SRGAP1: variants seen among roughly 807,000 people sequenced by gnomAD.
SRGAP1 encodes the protein SLIT-ROBO Rho GTPase activating protein 1, also known as SLIT-ROBO Rho GTPase-activating protein 1.
In SRGAP1, 43 loss-of-function variants were observed where a neutral mutation model predicts 121.9. The observed-to-expected ratio is 0.35, with a 90% confidence interval of 0.28 to 0.46. The LOEUF (loss-of-function observed/expected upper bound fraction) is 0.46, where lower values mean the gene tolerates loss of function less well. Ranked by LOEUF, SRGAP1 falls within the 20% of genes least tolerant of loss-of-function variation. SRGAP1 has a pLI of 1.00. For missense variants in SRGAP1, 1,102 were observed against 1,350.9 expected, an observed-to-expected ratio of 0.82 and a Z score of 2.89; for synonymous variants, 447 against 485.4, an observed-to-expected ratio of 0.92 and a Z score of 1.04.
At chr12:64,048,569 T>C (rs61931200) in intron 6 of SRGAP1, among the ~76,000 whole-genome samples, 28,359 of 152,062 alleles carry the variant, frequency 0.19, 3,342 homozygotes, top group Non-Finnish European at 0.27. Context: ...TTTTTTGAGG[T>C]ATTCCCATAC....
intron 4 of SRGAP1, among the ~76,000 whole-genome samples, chr12:64,017,528 G>A (rs189923335): frequency 1.5e-3 from 225 of 151,868 alleles, no homozygotes; most frequent in Non-Finnish European, 2.5e-3. Flanking sequence ...GGTGGGATGC[G>A]CCTGTAATCC....
rs1431112244 is a variant in SRGAP1, at chr12:64,078,970, A to G, written c.1177A>G (p.Ile393Val). 2 of 1,614,032 alleles carry G rather than the reference A, an allele frequency of 1.2e-6. No homozygotes were observed. The highest frequency in any genetic ancestry group is 1.7e-5 in the Admixed American group (1 of 60,012). ...GCAGACGATACAAGATATGGTCACC[A>G]TCGAGGACTATGATGTTTCTGAATG... ...TLQTIQDMVT[I>V]EDYDVSECFQ... The change falls in exon 9 of 22, where the codon ATC becomes GTC. Residue 393 changes from isoleucine (I) to valine (V), a missense_variant. Around this residue, in one of 3 missense-constraint regions of SRGAP1, gnomAD observed 747 missense variants for 929.4 expected, o/e 0.80. Coordinates refer to ENST00000355086, the MANE Select transcript of SRGAP1 (RefSeq NM_020762.4).
chr12:63,938,534 G>A (rs1243268127), intron 1 of SRGAP1, among the ~76,000 whole-genome samples: 1 of 152,130 alleles, frequency 6.6e-6, no homozygotes, highest in African/African-American at 2.4e-5. Context: ...GAAAAGAATA[G>A]TTGATTGCCT....
intron 1 of SRGAP1, among the ~76,000 whole-genome samples, chr12:63,861,979 G>T (rs769272152): frequency 5.9e-5 from 9 of 152,118 alleles, no homozygotes; most frequent in Non-Finnish European, 1.3e-4. Context: ...AAATTAGCCA[G>T]GTGTGGTGGC....
chr12:63,940,429 G>T (rs1479149956), intron 1 of SRGAP1, among the ~76,000 whole-genome samples: 1 of 149,922 alleles, frequency 6.7e-6, no homozygotes, highest in Admixed American at 6.6e-5. Flanking sequence ...AGGCTGAGCA[G>T]AATAGCTATG....
At chr12:64,027,069 A>G (rs184769310) in intron 4 of SRGAP1, among the ~76,000 whole-genome samples, 1 of 152,124 alleles carries the variant, frequency 6.6e-6, no homozygotes. Flanking sequence ...CAGGTGAGAC[A>G]GTACCAGTTC....
At chr12:63,868,058 T>TATATATATA (rs59452978) in intron 1 of SRGAP1, among the ~76,000 whole-genome samples, 2 of 65,360 alleles carry the variant, frequency 3.1e-5, no homozygotes, top group African/African-American at 1.2e-4. Context: ...ATATATATAT[T>TATATATATA]TTTTTTTTTT....
chr12:63,912,928 G>A (rs2030568805), intron 1 of SRGAP1, among the ~76,000 whole-genome samples: 1 of 151,966 alleles, frequency 6.6e-6, no homozygotes. Context: ...TATCACTGGG[G>A]TTGCTTACAA....
chr12:64,112,940 C>T lies in SRGAP1; in HGVS notation c.2144+954C>T, dbSNP rs568107146. Among the ~76,000 whole-genome samples the T allele has an allele frequency of 3.3e-5, 5 of 152,114 alleles. No homozygotes were observed. The South Asian group carries it at 1.0e-3, about 32-fold the overall frequency. On this transcript the variant is annotated intron_variant, in intron 17 of 21. Transcript: ENST00000355086. ...AAGTTGGTTAAGGGCTATAAAAATA[C>T]AGTTAGGTAGAAGGAATAAGCCAGG...
intron 17 of SRGAP1, among the ~76,000 whole-genome samples, chr12:64,114,504 C>A (rs112673032): frequency 7.9e-5 from 12 of 152,128 alleles, no homozygotes; most frequent in Non-Finnish European, 2.9e-5. Flanking sequence ...GTGTCCACCA[C>A]CATACCCAGC....
chr12:63,937,649 T>A (rs2031708455), intron 1 of SRGAP1, among the ~76,000 whole-genome samples: 1 of 152,238 alleles, frequency 6.6e-6, no homozygotes, highest in Non-Finnish European at 1.5e-5. Context: ...TTTTGATTTC[T>A]CTGTGTACAG....
chr12:64,119,660 T>C (rs867526029), intron 18 of SRGAP1, among the ~76,000 whole-genome samples: 3 of 152,150 alleles, frequency 2.0e-5, no homozygotes, highest in South Asian at 4.2e-4. Flanking sequence ...GTCTGTTTTC[T>C]CTAGTACTTC....
intron 1 of SRGAP1, among the ~76,000 whole-genome samples, chr12:63,931,249 TG>T (rs1199026431): frequency 1.3e-5 from 2 of 152,200 alleles, no homozygotes; most frequent in African/African-American, 4.8e-5. Context: ...ACACTTGAAA[TG>T]AAACCAGTCA....
rs779154252 is a variant in SRGAP1 at position 64,128,071 on chromosome 12, C to G, written c.2751C>G (p.Ser917Arg). 1.9e-6 allele frequency: 3 copies of G among 1,614,062 alleles called. No homozygotes were observed. Among genetic ancestry groups the G allele is most frequent in the Non-Finnish European group, 2.5e-6 (3 of 1,180,044 alleles). The change falls in exon 21 of 22, where the codon AGC becomes AGG. Residue 917 changes from serine to arginine, a missense_variant. Transcript: ENST00000355086. Reference protein sequence around the residue: ...PERRRRPGHGSLTNISRHDSL... With the variant: ...PERRRRPGHGRLTNISRHDSL... ...GGAGGCGCAGGCCTGGCCATGGCAG[C>G]CTGACCAACATCAGCCGGCACGACT...
intron 3 of SRGAP1, among the ~76,000 whole-genome samples, chr12:64,002,822 C>A (rs1023947267): frequency 5.9e-5 from 9 of 152,006 alleles, no homozygotes; most frequent in African/African-American, 2.2e-4. Context: ...TATCAGAATT[C>A]TGTATATGGT....
intron 1 of SRGAP1, among the ~76,000 whole-genome samples, chr12:63,913,250 A>G (rs1592940440): frequency 1.8e-5 from 2 of 111,906 alleles, no homozygotes; most frequent in Admixed American, 1.3e-4. Context: ...TCTTGCCCAC[A>G]TTGGCCCAGG....
intron 1 of SRGAP1, among the ~76,000 whole-genome samples, chr12:63,873,543 A>AAAAAG (rs1200403901): frequency 1.3e-4 from 19 of 151,986 alleles, no homozygotes; most frequent in African/African-American, 2.7e-4. Context: ...CAAAAAAAAA[A>AAAAAG]AAAAGAAAAG....
intron 1 of SRGAP1, among the ~76,000 whole-genome samples, chr12:63,847,565 G>A (rs944240818): frequency 6.6e-6 from 1 of 152,080 alleles, no homozygotes; most frequent in Non-Finnish European, 1.5e-5. Flanking sequence ...GGCCAACATG[G>A]TGAAACCCTG....
chr12:63,857,115 G>C lies in SRGAP1; in HGVS notation c.67+12232G>C, dbSNP rs9738559. 2.1e-5 allele frequency among the ~76,000 whole-genome samples: 3 copies of C among 145,890 alleles called. No homozygotes were observed. In the South Asian group the frequency reaches 6.5e-4, roughly 32 times the overall value. ...TTTTTTTTTTTTGAGATGGAGTTTC[G>C]CTTACCCAGGCTGGAGTGCACTGGC... is the stretch of plus-strand genomic sequence containing the variant. On this transcript the variant is annotated intron_variant, in intron 1 of 21. Transcript: ENST00000355086.
Sources: gnomAD v4.1 joint callset for allele counts (sites outside exome capture counted in the v4.1 genomes callset) on GRCh38, gnomAD v4.1.1 for gene constraint, gnomAD v4.1.1 regional missense constraint, MANE v1.5 for transcripts, NCBI Gene and HGNC (gene_info 2026-07-23, HGNC 2026-07-21) for gene names.